OPCML: variants seen among roughly 807,000 people sequenced by gnomAD.
OPCML encodes opioid-binding protein/cell adhesion molecule.
OPCML carries 13 observed loss-of-function variants against 37.8 expected under a neutral mutation model. That is an observed-to-expected ratio of 0.34 (90% CI 0.22 to 0.55). OPCML has a LOEUF of 0.55. Ranked by LOEUF, OPCML falls within the 20% of genes least tolerant of loss-of-function variation. OPCML has a pLI of 0.91. For synonymous variants in OPCML, 176 were observed against 168.8 expected (o/e 1.04, Z -0.33); for missense variants, 341 against 435.6 (o/e 0.78, Z 1.93).
At chr11:133,108,531 G>A (rs992699686) in intron 1 of OPCML, among the ~76,000 whole-genome samples, 1 of 152,004 alleles carries the variant, frequency 6.6e-6, no homozygotes, top group Non-Finnish European at 1.5e-5. Context: ...GCTTTCCAGC[G>A]GGGTAAATGG....
chr11:133,244,746 C>T (rs1359340977), intron 1 of OPCML, among the ~76,000 whole-genome samples: 1 of 152,214 alleles, frequency 6.6e-6, no homozygotes, highest in Non-Finnish European at 1.5e-5. Context: ...TGCCTGCTTA[C>T]ACTTCACCTT....
intron 1 of OPCML, among the ~76,000 whole-genome samples, chr11:133,326,828 G>T (rs1943476873): frequency 6.8e-6 from 1 of 146,440 alleles, no homozygotes; most frequent in African/African-American, 2.5e-5. Flanking sequence ...GGTGGGGGTT[G>T]TGGGTGTATG....
At chr11:132,813,577 T>C (rs146508701) in intron 2 of OPCML, among the ~76,000 whole-genome samples, 175 of 152,246 alleles carry the variant, frequency 1.1e-3, no homozygotes, top group Middle Eastern at 3.4e-3. Flanking sequence ...TAAATCTCAC[T>C]CTTAGCTGAC....
chr11:133,146,114 T>C (rs1949893210), intron 1 of OPCML, among the ~76,000 whole-genome samples: 1 of 152,154 alleles, frequency 6.6e-6, no homozygotes, highest in Non-Finnish European at 1.5e-5. Context: ...CTGTACTGTG[T>C]GCTGCCAGAT....
chr11:133,165,410 C>T (rs1444275275), intron 1 of OPCML, among the ~76,000 whole-genome samples: 2 of 152,118 alleles, frequency 1.3e-5, no homozygotes, highest in African/African-American at 4.8e-5. Context: ...CTCCTGGAGA[C>T]CCTCCCTGGC....
At chr11:132,508,194 A>G (rs951623741) in intron 4 of OPCML, among the ~76,000 whole-genome samples, 4 of 152,216 alleles carry the variant, frequency 2.6e-5, no homozygotes, top group African/African-American at 9.7e-5. Context: ...TTCAGAAAAT[A>G]AATAAAGGGA....
At chr11:132,533,861 C>A (rs2096333059) in intron 3 of OPCML, among the ~76,000 whole-genome samples, 2 of 152,192 alleles carry the variant, frequency 1.3e-5, no homozygotes, top group Admixed American at 1.3e-4. Flanking sequence ...TCTTTCTCTT[C>A]TTCCCAAGAC....
At chr11:132,754,547 C>T (rs950538373) in intron 2 of OPCML, among the ~76,000 whole-genome samples, 1 of 151,986 alleles carries the variant, frequency 6.6e-6, no homozygotes, top group South Asian at 2.1e-4. Flanking sequence ...TCAGATACAT[C>T]TTTATCAGCA....
intron 4 of OPCML, among the ~76,000 whole-genome samples, chr11:132,495,202 C>A (rs609920): frequency 0.46 from 70,110 of 151,960 alleles, 16,883 homozygotes; most frequent in Non-Finnish European, 0.54. Context: ...GAGCCTTCAT[C>A]CATTAGGACT....
At chr11:133,007,104 C>A (rs1233728907) in intron 1 of OPCML, 1 of 985,406 alleles carries the variant, frequency 1.0e-6, no homozygotes, top group Non-Finnish European at 1.2e-6. Flanking sequence ...GAGGAGACAT[C>A]CCCTAGAGCT....
chr11:133,296,303 A>C (rs752003032), intron 1 of OPCML, among the ~76,000 whole-genome samples: 1 of 152,140 alleles, frequency 6.6e-6, no homozygotes, highest in Non-Finnish European at 1.5e-5. Flanking sequence ...ATTTAGATTG[A>C]GGTCTGCAGT....
chr11:133,294,199 AAGCGGTGTT>A (rs1942563876), intron 1 of OPCML, among the ~76,000 whole-genome samples: 1 of 152,058 alleles, frequency 6.6e-6, no homozygotes, highest in Admixed American at 6.5e-5. Flanking sequence ...CAACAGCATG[AAGCGGTGTT>A]CTGCAGAGGC....
chr11:133,491,834 G>A (rs908160548), intron 1 of OPCML, among the ~76,000 whole-genome samples: 4 of 152,154 alleles, frequency 2.6e-5, no homozygotes, highest in Non-Finnish European at 5.9e-5. Flanking sequence ...GGAACATGAG[G>A]TCAGGAAAAG....
rs140480327 is a variant in OPCML at position 133,164,542 on chromosome 11, G to A, written c.62-221532C>T. 2.4e-3 allele frequency among the ~76,000 whole-genome samples: 364 copies of A among 152,284 alleles called. 2 individuals are homozygous for A. Among genetic ancestry groups the A allele is most frequent in the African/African-American group, 8.5e-3 (355 of 41,552 alleles). ...GATTCAGGTGCCATCACTCGAGACCGCAGGTAAGAGGATTCATTTCTCTAA... is the reference window on the plus strand; with the variant it reads ...GATTCAGGTGCCATCACTCGAGACCACAGGTAAGAGGATTCATTTCTCTAA... On this transcript the variant is annotated intron_variant, in intron 1 of 7. Coordinates refer to ENST00000524381, the MANE Select transcript of OPCML (RefSeq NM_001012393.5).
At chr11:132,754,023 A>C (rs1945942010) in intron 2 of OPCML, among the ~76,000 whole-genome samples, 1 of 152,232 alleles carries the variant, frequency 6.6e-6, no homozygotes, top group Non-Finnish European at 1.5e-5. Context: ...GCATTCAACC[A>C]GCAGGCATCC....
intron 3 of OPCML, among the ~76,000 whole-genome samples, chr11:132,625,627 G>A (rs905906647): frequency 6.6e-6 from 1 of 152,088 alleles, no homozygotes; most frequent in East Asian, 1.9e-4. Flanking sequence ...GTGCTAACAC[G>A]TCACACACAT....
At chr11:132,813,235 T>A (rs1939447384) in intron 2 of OPCML, among the ~76,000 whole-genome samples, 1 of 152,202 alleles carries the variant, frequency 6.6e-6, no homozygotes, top group Admixed American at 6.5e-5. Context: ...TCCATCTGCA[T>A]ATCTCTTTTA....
chr11:132,778,801 C>T (rs532611764), intron 2 of OPCML, among the ~76,000 whole-genome samples: 1 of 152,054 alleles, frequency 6.6e-6, no homozygotes, highest in Admixed American at 6.5e-5. Flanking sequence ...AGGCTCAATT[C>T]GTAGAAGTAT....
At chr11:133,408,710 T>C (rs915910421) in intron 1 of OPCML, among the ~76,000 whole-genome samples, 2 of 151,980 alleles carry the variant, frequency 1.3e-5, no homozygotes, top group Admixed American at 6.5e-5. Flanking sequence ...AGCTGTAGGA[T>C]GTGGGAGGAA....
Sources: allele counts gnomAD v4.1 joint callset (sites outside exome capture counted in the v4.1 genomes callset), GRCh38; gene constraint gnomAD v4.1.1; transcripts MANE v1.5; gene names NCBI Gene and HGNC (gene_info 2026-07-23, HGNC 2026-07-21).